Variants in TUSC3 observed in about 807,000 individuals in gnomAD.
The protein encoded by TUSC3 is tumor suppressor candidate 3.
In TUSC3, 45 loss-of-function variants were observed where a neutral mutation model predicts 44.8. The ratio of observed to expected loss-of-function variants is 1.00; its 90% confidence interval spans 0.79 to 1.29. The LOEUF (loss-of-function observed/expected upper bound fraction) is 1.29, where lower values mean the gene tolerates loss of function less well. Among genes scored for constraint, TUSC3 ranks in the 50% most tolerant of loss-of-function variants. TUSC3 has a pLI of 0.00. For missense variants in TUSC3, 519 were observed against 437.9 expected (o/e 1.19, Z -1.65); for synonymous variants, 212 against 152.9 (o/e 1.39, Z -2.85).
chr8:15,819,491 C>T, the TUSC3 span, among the ~76,000 whole-genome samples: 3 of 152,132 alleles, frequency 2.0e-5, no homozygotes, highest in Non-Finnish European at 4.4e-5. Flanking sequence ...TCCTGAGTTT[C>T]AGACCTCATT....
chr8:15,514,471 T>C (rs1421217010), intron 2 of TUSC3, among the ~76,000 whole-genome samples: 2 of 152,190 alleles, frequency 1.3e-5, no homozygotes, highest in Non-Finnish European at 2.9e-5. Flanking sequence ...AAATTTGAAG[T>C]ATAAAAACCA....
At chr8:15,483,738 C>T (rs1428774658) in intron 2 of TUSC3, among the ~76,000 whole-genome samples, 1 of 144,092 alleles carries the variant, frequency 6.9e-6, no homozygotes, top group Non-Finnish European at 1.5e-5. Flanking sequence ...TCACTGCAAA[C>T]TCCGCCTCCC....
At chr8:15,475,088 G>A (rs1308503903) in intron 1 of TUSC3, among the ~76,000 whole-genome samples, 1 of 151,982 alleles carries the variant, frequency 6.6e-6, no homozygotes, top group Admixed American at 6.6e-5. Context: ...TACACAGTTT[G>A]CTGCTACATG....
rs146287485 is a variant in TUSC3 at position 15,650,564 on chromosome 8, T to C, written c.309-133T>C. 1.5e-3 allele frequency: 1,051 copies of C among 702,514 alleles called. 8 individuals are homozygous for C. In the African/African-American group the frequency reaches 0.017, roughly 11 times the overall value. The allele number at this position is 702,514 out of a possible 1,614,324, so 43.5% of individuals were successfully genotyped here. A position where few individuals can be genotyped will look rare whatever the true frequency, so the allele number is the denominator to read the frequency against. ...AATCCTTTTTTTAAAAAAAAATATT[T>C]TAAAAACTATGCTTTTCTTACAGTC... is the stretch of plus-strand genomic sequence containing the variant. On this transcript the variant is annotated intron_variant, in intron 2 of 10. Transcript: ENST00000503731.
intron 1 of TUSC3, among the ~76,000 whole-genome samples, chr8:15,469,771 A>G (rs1476606747): frequency 6.6e-6 from 1 of 152,234 alleles, no homozygotes; most frequent in Admixed American, 6.5e-5. Context: ...ATGAATGGAT[A>G]AACTGTGGTA....
chr8:15,549,100 G>T (rs1311034415), intron 1 of TUSC3, among the ~76,000 whole-genome samples: 1 of 151,844 alleles, frequency 6.6e-6, no homozygotes, highest in African/African-American at 2.4e-5. Flanking sequence ...ATGGGTAGAA[G>T]AATAATTTAT....
chr8:15,786,579 A>C, the TUSC3 span, among the ~76,000 whole-genome samples: 1 of 152,144 alleles, frequency 6.6e-6, no homozygotes, highest in Non-Finnish European at 1.5e-5. Flanking sequence ...GTGCATTTCT[A>C]GTTCCCTTAG....
the TUSC3 span, among the ~76,000 whole-genome samples, chr8:15,834,475 G>GT: frequency 1.3e-5 from 2 of 152,040 alleles, no homozygotes; most frequent in Non-Finnish European, 2.9e-5. Flanking sequence ...GAACAATACT[G>GT]TTTTTTAGAC....
intron 1 of TUSC3, among the ~76,000 whole-genome samples, chr8:15,439,793 T>C (rs2129118246): frequency 6.6e-6 from 1 of 152,340 alleles, no homozygotes; most frequent in East Asian, 1.9e-4. Context: ...ATAGTCTTTA[T>C]TCATTTCTGC....
chr8:15,565,984 C>G (rs4831341), intron 1 of TUSC3, among the ~76,000 whole-genome samples: 1 of 151,974 alleles, frequency 6.6e-6, no homozygotes, highest in African/African-American at 2.4e-5. Flanking sequence ...TTATTAAAAA[C>G]TAAATACCAA....
At chr8:15,636,402 T>C (rs73195115) in intron 2 of TUSC3, among the ~76,000 whole-genome samples, 24,126 of 152,050 alleles carry the variant, frequency 0.16, 2,188 homozygotes, top group South Asian at 0.33. Context: ...AATATACCAT[T>C]TCCACAAGGA....
intron 2 of TUSC3, among the ~76,000 whole-genome samples, chr8:15,648,358 G>A (rs996091093): frequency 6.6e-6 from 1 of 151,972 alleles, no homozygotes; most frequent in Non-Finnish European, 1.5e-5. Flanking sequence ...TTCTCACTGG[G>A]TATGTCGAGA....
chr8:15,735,927 A>G (rs574906591), intron 7 of TUSC3, among the ~76,000 whole-genome samples: 1 of 146,852 alleles, frequency 6.8e-6, no homozygotes, highest in Non-Finnish European at 1.5e-5. Flanking sequence ...ACGGGGTTTC[A>G]CTGTGTTAGC....
chr8:15,500,187 ATCTGGTGGTGGCC>A (rs1800941235), intron 2 of TUSC3, among the ~76,000 whole-genome samples: 2 of 152,172 alleles, frequency 1.3e-5, no homozygotes, highest in African/African-American at 4.8e-5. Flanking sequence ...CTGTACACGT[ATCTGGTGGTGGCC>A]TCTGGTGGTG....
intron 2 of TUSC3, among the ~76,000 whole-genome samples, chr8:15,514,675 C>G (rs1315317338): frequency 6.6e-6 from 1 of 152,116 alleles, no homozygotes; most frequent in African/African-American, 2.4e-5. Flanking sequence ...ACTATCTTTA[C>G]AATTATGTTT....
At chr8:15,745,084 C>A (rs1811351528) in intron 8 of TUSC3, among the ~76,000 whole-genome samples, 1 of 152,036 alleles carries the variant, frequency 6.6e-6, no homozygotes, top group African/African-American at 2.4e-5. Context: ...GGATAATGGC[C>A]TCCAGCTGAA....
intron 2 of TUSC3, among the ~76,000 whole-genome samples, chr8:15,508,788 A>G (rs989153155): frequency 1.5e-4 from 23 of 152,112 alleles, no homozygotes; most frequent in African/African-American, 5.3e-4. Flanking sequence ...GTGGAATAGG[A>G]AAAAAAGTAG....
intron 2 of TUSC3, among the ~76,000 whole-genome samples, chr8:15,516,476 T>G (rs59269438): frequency 1.3e-5 from 2 of 152,212 alleles, no homozygotes; most frequent in Non-Finnish European, 2.9e-5. Context: ...AGGTTCTTGA[T>G]GCTATGGCAG....
rs746891857 is a variant in TUSC3 at position 15,540,549 on chromosome 8, G to A, written c.119G>A (p.Gly40Glu). The A allele has an allele frequency of 1.3e-6, 2 of 1,595,664 alleles. No individual in the cohort carries two copies. The highest frequency in any genetic ancestry group is 1.7e-6 in the Non-Finnish European group (2 of 1,171,748). Reference sequence around the variant, plus strand: ...CTGCTGCTCTGCATCCAGCTCGGGGGAGGACAGAAGAAAAAGGAGGTAGAA... The same window carrying A: ...CTGCTGCTCTGCATCCAGCTCGGGGAAGGACAGAAGAAAAAGGAGGTAGAA... ...LLLLLCIQLG[G>E]GQKKKENLLA... The change falls in exon 1 of 11, where the codon GGA (glycine) becomes GAA (glutamate). Residue 40 changes from glycine (G) to glutamate (E), a missense_variant. Coordinates refer to ENST00000503731, the MANE Select transcript of TUSC3 (RefSeq NM_006765.4).
Sources: allele counts gnomAD v4.1 joint callset (sites outside exome capture counted in the v4.1 genomes callset), GRCh38; gene constraint gnomAD v4.1.1; transcripts MANE v1.5; gene names NCBI Gene and HGNC (gene_info 2026-07-23, HGNC 2026-07-21).